The following EVI5L variants were observed in gnomAD, a reference collection of about 807,000 sequenced individuals.
EVI5L encodes ecotropic viral integration site 5 like, also known as EVI5-like protein.
Under a neutral mutation model 106.1 loss-of-function variants are expected in EVI5L, and 30 were observed. The ratio of observed to expected loss-of-function variants is 0.28; its 90% CI spans 0.21 to 0.38. EVI5L has a LOEUF of 0.38. Among genes scored for constraint, EVI5L ranks in the 10% least tolerant of loss-of-function variants. The pLI is 1.00. For synonymous variants in EVI5L, 489 were observed against 483.3 expected, an observed-to-expected ratio of 1.01 and a Z score of -0.15; for missense variants, 809 against 1,098.0, an observed-to-expected ratio of 0.74 and a Z score of 3.72.
At chr19:7,852,119 C>T (rs12973105) in intron 8 of EVI5L, among the ~76,000 whole-genome samples, 1 of 152,146 alleles carries the variant, frequency 6.6e-6, no homozygotes, top group South Asian at 2.1e-4. Flanking sequence ...GCATCCCCAC[C>T]CTGCCGCCCA....
At position 7,848,086 on chromosome 19, in the gene EVI5L, A is replaced by T. The variant is rs564757821; in HGVS notation, c.327+165A>T. 9.9e-5 allele frequency among the ~76,000 whole-genome samples: 15 copies of T among 152,268 alleles called. No individual in the cohort carries two copies. The East Asian group carries it at 2.9e-3, about 29-fold the overall frequency. Reference sequence around the variant, plus strand: ...GGGTGTCCTGCCAGAGCACAGGGACAGGAGAGAGTGAGTCAGGGTGGTGCT... The same window carrying T: ...GGGTGTCCTGCCAGAGCACAGGGACTGGAGAGAGTGAGTCAGGGTGGTGCT... On this transcript the variant is annotated intron_variant, in intron 3 of 19. Coordinates refer to ENST00000538904, the MANE Select transcript of EVI5L (RefSeq NM_001159944.3). The surrounding 1 kb of genome is among the most constrained non-coding windows in gnomAD (Gnocchi z 4.8).
At chr19:7,844,245 TC>T (rs1668867914) in intron 1 of EVI5L, among the ~76,000 whole-genome samples, 1 of 148,594 alleles carries the variant, frequency 6.7e-6, no homozygotes, top group Non-Finnish European at 1.5e-5. Flanking sequence ...AGCAGGAGAA[TC>T]GCGTGAACCC....
Position 7,863,032 on chromosome 19 carries a change from G to A in EVI5L, c.2008G>A (p.Glu670Lys). Residue 670 changes from glutamate (E) to lysine (K), a missense_variant, in exon 18 of 20, where the codon GAG becomes AAG. By Grantham distance (56) the Glu-to-Lys change is moderately conservative. Around this residue, in one of 2 missense-constraint regions of EVI5L, gnomAD observed 452 missense variants for 509.9 expected, o/e 0.89. Coordinates refer to ENST00000538904, the MANE Select transcript of EVI5L (RefSeq NM_001159944.3). The surrounding 1 kb of genome is among the most constrained non-coding windows in gnomAD (Gnocchi z 7.7). Reference protein sequence around the residue: ...READSMAAVAEMRQRIAELEI... With the variant: ...READSMAAVAKMRQRIAELEI... ...GGCGGACAGCATGGCTGCGGTGGCC[G>A]AGATGCGGCAGCGCATTGCCGAGCT... 6.3e-7 allele frequency: 1 copy of A among 1,578,678 alleles called. No individual in the cohort carries two copies. The highest frequency in any genetic ancestry group is 1.1e-5 in the South Asian group (1 of 87,014).
chr19:7,849,349 GCTGGGCTCCTGCCAGACAACAGCCCACC>G lies in EVI5L; in HGVS notation c.627+28_627+55del. The G allele has an allele frequency of 6.2e-7, 1 of 1,613,262 alleles. No homozygotes were observed. Among genetic ancestry groups the G allele is most frequent in the Non-Finnish European group, 8.5e-7 (1 of 1,179,884 alleles). On this transcript the variant is annotated intron_variant, in intron 5 of 19. Transcript: ENST00000538904. ...CATGCAGGTAGGTGGCTGGGGGGTG[GCTGGGCTCCTGCCAGACAACAGCCCACC>G]CTGGGCTCGGCCCCCAAGAGATGGA... is the stretch of plus-strand genomic sequence containing the variant.
chr19:7,864,108 C>T lies in EVI5L; in HGVS notation c.*406C>T, dbSNP rs1980004456. On this transcript the variant is annotated 3_prime_UTR_variant, in exon 20 of 20. Transcript: ENST00000538904. This position sits in a 1 kb window ranked among gnomAD's most constrained non-coding sequence, Gnocchi z 4.5. ...ACAGGGGCGACATTGCTGGGAAGTGCTCAGGAGGTAGCCGAGGCCTGAGGA... is the reference window on the plus strand; with the variant it reads ...ACAGGGGCGACATTGCTGGGAAGTGTTCAGGAGGTAGCCGAGGCCTGAGGA... 5.2e-6 allele frequency: 1 copy of T among 192,540 alleles called. No homozygotes were observed. The highest frequency in any genetic ancestry group is 6.1e-5 in the Admixed American group (1 of 16,286). The allele number at this position is 192,540 out of a possible 1,614,324, so 11.9% of individuals were successfully genotyped here.
At chr19:7,852,233 T>C (rs1979287038) in intron 8 of EVI5L, among the ~76,000 whole-genome samples, 1 of 152,166 alleles carries the variant, frequency 6.6e-6, no homozygotes, top group Admixed American at 6.5e-5. Context: ...CCAGCCTGCC[T>C]CCCACCGCTA....
Position 7,856,006 on chromosome 19 carries a change from C to T in EVI5L, c.1147-9C>T. 7.5e-7 allele frequency: 1 copy of T among 1,327,232 alleles called. No homozygotes were observed. The highest frequency in any genetic ancestry group is 9.7e-7 in the Non-Finnish European group (1 of 1,028,988). 82.2% of individuals were successfully genotyped at this position (1,327,232 alleles called of 1,614,324 possible). A position where few individuals can be genotyped will look rare whatever the true frequency, so the allele number is the denominator to read the frequency against. On this transcript the variant is annotated splice_polypyrimidine_tract_variant and intron_variant, in intron 10 of 19. Transcript: ENST00000538904. This position sits in a 1 kb window ranked among gnomAD's most constrained non-coding sequence, Gnocchi z 6.6. Reference sequence around the variant, plus strand: ...CGGGCTATGACGTGATCTCCCCCCACCCCCATAGAGACTTCGGACGGAGAA... The same window carrying T: ...CGGGCTATGACGTGATCTCCCCCCATCCCCATAGAGACTTCGGACGGAGAA...
At chr19:7,843,929 A>G (rs1222894871) in intron 1 of EVI5L, among the ~76,000 whole-genome samples, 1 of 152,072 alleles carries the variant, frequency 6.6e-6, no homozygotes, top group African/African-American at 2.4e-5. Context: ...TGCCTCTCAG[A>G]CTGCAAGTTT....
At chr19:7,843,128 ATG>A (rs1422440640) in intron 1 of EVI5L, among the ~76,000 whole-genome samples, 3 of 111,636 alleles carry the variant, frequency 2.7e-5, no homozygotes, top group Non-Finnish European at 5.6e-5. Flanking sequence ...TGTCATGTGC[ATG>A]TGTGTGTATA....
rs1207055613 is a variant in EVI5L at position 7,846,656 on chromosome 19, G to A, written c.114G>A (p.Leu38=). ...TCAGCCCCGATGAGCTGGAGCTGCT[G>A]GCCAAGCTCGAAGAGCAGAACCGGT... The part of the protein sequence containing the change: ...ENLSPDELEL[L]AKLEEQNRLL... The change falls in exon 2 of 20, where the codon CTG becomes CTA. Residue 38 remains leucine (L), a synonymous_variant. Coordinates refer to ENST00000538904, the MANE Select transcript of EVI5L (RefSeq NM_001159944.3). The A allele has an allele frequency of 6.2e-7, 1 of 1,613,260 alleles. No individual in the cohort carries two copies. Among genetic ancestry groups the A allele is most frequent in the East Asian group, 2.2e-5 (1 of 44,852 alleles).
At chr19:7,847,469 C>T (rs563555936) in intron 2 of EVI5L, among the ~76,000 whole-genome samples, 3 of 152,170 alleles carry the variant, frequency 2.0e-5, no homozygotes, top group Admixed American at 6.5e-5. Context: ...CACCTGTAAT[C>T]CCAGCTACTC....
chr19:7,848,912 C>T lies in EVI5L; in HGVS notation c.328-9C>T, dbSNP rs369095685. On this transcript the variant is annotated splice_polypyrimidine_tract_variant and intron_variant, in intron 3 of 19. Transcript: ENST00000538904. This position sits in a 1 kb window ranked among gnomAD's most constrained non-coding sequence, Gnocchi z 4.8. ...GAGTCCAGCCCCCGCTTCCCGCTCC[C>T]GTGGCCAGGAGCTGATCCGCAAGGG... 1.2e-5 allele frequency: 20 copies of T among 1,602,768 alleles called. No individual in the cohort carries two copies. The highest frequency in any genetic ancestry group is 4.5e-5 in the East Asian group (2 of 44,522).
intron 1 of EVI5L, among the ~76,000 whole-genome samples, chr19:7,832,187 G>A (rs1176109080): frequency 1.3e-5 from 2 of 152,212 alleles, no homozygotes; most frequent in African/African-American, 2.4e-5. Context: ...TCTGTGGTCA[G>A]CGGAGGGTGG....
rs113671463 is a variant in EVI5L at position 7,841,481 on chromosome 19, G to A, written c.-47-5015G>A. ...CCCCGAGAGGGAAAGCCAAACGGAAGTCGAAGATGACCAGCATTCCAGCAC... is the reference window on the plus strand; with the variant it reads ...CCCCGAGAGGGAAAGCCAAACGGAAATCGAAGATGACCAGCATTCCAGCAC... On this transcript the variant is annotated intron_variant, in intron 1 of 19. Coordinates refer to ENST00000538904, the MANE Select transcript of EVI5L (RefSeq NM_001159944.3). Among the ~76,000 whole-genome samples, 1,024 of 152,098 alleles carry A rather than the reference G, an allele frequency of 6.7e-3. 14 individuals carry two copies. The highest frequency in any genetic ancestry group is 0.024 in the African/African-American group (990 of 41,484).
At chr19:7,834,075 G>C (rs759911975) in intron 1 of EVI5L, among the ~76,000 whole-genome samples, 10 of 152,186 alleles carry the variant, frequency 6.6e-5, no homozygotes, top group Admixed American at 2.0e-4. Flanking sequence ...GGCCCGGCAC[G>C]GTGGCTCACG....
At chr19:7,846,471 G>T in intron 1 of EVI5L, 25 bp from the exon 2 acceptor site, 3 of 1,523,124 alleles carry the variant, frequency 2.0e-6, no homozygotes, top group South Asian at 2.6e-5. Flanking sequence ...ACCCAATGCC[G>T]ACCACGCATG....
intron 17 of EVI5L, 124 bp downstream of exon 17, chr19:7,862,658 C>T (rs1234113517): frequency 5.9e-6 from 5 of 848,462 alleles, no homozygotes; most frequent in Non-Finnish European, 8.0e-6. Context: ...GCCCGCGGTC[C>T]TCCCGCCCCC....
In EVI5L at chr19:7,862,541, AC is replaced by A. The variant is rs1427951792; in HGVS notation, c.1947+12del. 2 of 1,454,464 alleles carry A rather than the reference AC, an allele frequency of 1.4e-6. No individual in the cohort carries two copies. The highest frequency in any genetic ancestry group is 2.7e-5 in the Admixed American group (1 of 37,634). The allele number at this position is 1,454,464 out of a possible 1,614,324, so 90.1% of individuals were successfully genotyped here. On this transcript the variant is annotated splice_region_variant and intron_variant, in intron 17 of 19. Coordinates refer to ENST00000538904, the MANE Select transcript of EVI5L (RefSeq NM_001159944.3). Reference sequence around the variant, plus strand: ...GGCCGAGGCCGAGTGCAAGGTGCAGACCCCCGCGGCCCCGCCCTGCCCGTGG... The same window carrying A: ...GGCCGAGGCCGAGTGCAAGGTGCAGACCCCGCGGCCCCGCCCTGCCCGTGG...
At chr19:7,837,522 A>G (rs1013226347) in intron 1 of EVI5L, among the ~76,000 whole-genome samples, 2 of 152,124 alleles carry the variant, frequency 1.3e-5, no homozygotes, top group African/African-American at 2.4e-5. Flanking sequence ...ATTATTAACT[A>G]AAGTCCACCT....
Sources: allele counts gnomAD v4.1 joint callset (sites outside exome capture counted in the v4.1 genomes callset), GRCh38; gene constraint gnomAD v4.1.1; regional missense constraint gnomAD v4.1.1; non-coding constraint Gnocchi (gnomAD v3.1); transcripts MANE v1.5; gene names NCBI Gene and HGNC (gene_info 2026-07-23, HGNC 2026-07-21).